The following BPI variants were observed in gnomAD, a reference collection of about 807,000 sequenced individuals.
BPI encodes bactericidal permeability increasing protein, also known as bactericidal permeability-increasing protein.
A neutral mutation model predicts 57.6 loss-of-function variants in BPI; 48 were observed. The observed-to-expected ratio is 0.83, with a 90% confidence interval of 0.66 to 1.06. The LOEUF is 1.06. Ranked by LOEUF, BPI falls within the 50% of genes least tolerant of loss-of-function variation. The pLI, the probability that BPI is intolerant of heterozygous loss-of-function variation, is 0.00. For synonymous variants in BPI, 237 were observed against 238.2 expected (o/e 0.99, Z 0.05); for missense variants, 651 against 609.7 (o/e 1.07, Z -0.71).
intron 7 of BPI, among the ~76,000 whole-genome samples, chr20:38,323,351 C>G (rs1029137643): frequency 1.3e-5 from 2 of 152,236 alleles, no homozygotes; most frequent in African/African-American, 4.8e-5. Context: ...ACAACCTTAA[C>G]AGCTTATGAG....
chr20:38,326,305 T>C lies in BPI; in HGVS notation c.1034T>C (p.Val345Ala). ...KFPNMKIQIH[V>A]SASTPPHLSV... ...CCCAACATGAAGATACAGATCCATG[T>C]CTCAGCCTCCACCCCGCCACACCTG... The change falls in exon 10 of 15, where the codon GTC (valine) becomes GCC (alanine). Residue 345 changes from valine (V) to alanine (A), a missense_variant. Val to Ala is a moderately conservative substitution (Grantham distance 64, BLOSUM62 0). Transcript: ENST00000642449. The C allele has an allele frequency of 6.2e-7, 1 of 1,613,912 alleles. No individual in the cohort carries two copies. The highest frequency in any genetic ancestry group is 8.5e-7 in the Non-Finnish European group (1 of 1,179,904).
At position 38,334,499 on chromosome 20, in the gene BPI, G is replaced by C; in HGVS notation, c.1336+6G>C. On this transcript the variant is annotated splice_donor_region_variant and intron_variant, in intron 13 of 14. Transcript: ENST00000642449. ...TGTGCTGCCCAGGGTTAACGGTAAG[G>C]AACTTTGAAGAAACCATTCATTTTC... 6.2e-7 allele frequency: 1 copy of C among 1,610,946 alleles called. No homozygotes were observed. The highest frequency in any genetic ancestry group is 8.5e-7 in the Non-Finnish European group (1 of 1,177,068).
Position 38,324,701 on chromosome 20 carries a change from G to A in BPI, c.934-73G>A, listed in dbSNP as rs113853382. 5.4e-5 allele frequency: 69 copies of A among 1,285,324 alleles called. No homozygotes were observed. In the East Asian group the frequency reaches 7.2e-4, roughly 13 times the overall value. The allele number at this position is 1,285,324 out of a possible 1,614,324, so 79.6% of individuals were successfully genotyped here. A position where few individuals can be genotyped will look rare whatever the true frequency, so the allele number is the denominator to read the frequency against. On this transcript the variant is annotated intron_variant, in intron 8 of 14. Transcript: ENST00000642449. ...GTGTGTGCAGTCAGCCTCTCACCCC[G>A]ATACAGAACTCACCCCCTCTGCTCC...
At chr20:38,326,588 A>T in intron 10 of BPI, 156 bp downstream of exon 10, 2 of 846,230 alleles carry the variant, frequency 2.4e-6, no homozygotes, top group South Asian at 2.6e-5. Flanking sequence ...AATGGTGCCG[A>T]CTCCTGGAGG....
chr20:38,318,687 C>T (rs540940840), intron 6 of BPI, among the ~76,000 whole-genome samples: 1 of 135,164 alleles, frequency 7.4e-6, no homozygotes, highest in African/African-American at 2.8e-5. Context: ...ACAGCCCATA[C>T]TACCTCATTC....
Position 38,326,417 on chromosome 20 carries a change from C to T in BPI, c.1146C>T (p.Leu382=). The T allele has an allele frequency of 6.2e-7, 1 of 1,613,708 alleles. No individual in the cohort carries two copies. The highest frequency in any genetic ancestry group is 1.3e-5 in the African/African-American group (1 of 75,058). ...TCCCCAACTCCTCCCTGGCTTCCCT[C>T]TTCCTGATTGGCATGGTAAGCAGTT... is the stretch of plus-strand genomic sequence containing the variant. ...AVLPNSSLAS[L]FLIGMHTTGS... The change falls in exon 10 of 15, where the codon CTC becomes CTT. Residue 382 remains leucine, a synonymous_variant. Transcript: ENST00000642449.
chr20:38,337,048 C>A, intron 14 of BPI, 98 bp from the exon 15 acceptor site: 1 of 1,272,886 alleles, frequency 7.9e-7, no homozygotes, highest in South Asian at 1.3e-5. Context: ...TCCTAAGAGG[C>A]AGGCTCCCAA....
At chr20:38,308,250 C>G (rs2076605996) in intron 2 of BPI, among the ~76,000 whole-genome samples, 1 of 152,216 alleles carries the variant, frequency 6.6e-6, no homozygotes, top group Admixed American at 6.5e-5. Flanking sequence ...GAGCCAATCA[C>G]TGTAGCCAGG....
chr20:38,321,521 A>T (rs1395955694), intron 7 of BPI: 1 of 151,818 alleles, frequency 6.6e-6, no homozygotes, highest in East Asian at 1.9e-4. Context: ...CTCAGCTGTC[A>T]CTCCCAGAGC....
intron 12 of BPI, among the ~76,000 whole-genome samples, chr20:38,332,296 G>T (rs974042550): frequency 6.6e-6 from 1 of 152,090 alleles, no homozygotes; most frequent in African/African-American, 2.4e-5. Flanking sequence ...TGGCTGGGGT[G>T]GGGGGATAGA....
rs1420787426 is a variant in BPI, at chr20:38,307,680, A to G, written c.244A>G (p.Ser82Gly). ...TGGGAAGGGGCATTATAGCTTCTAC[A>G]GGTGAGGCCTATCAGAGCTCAATCC... ...HLGKGHYSFY[S>G]MDIREFQLPS... Residue 82 changes from serine to glycine, a missense_variant and splice_region_variant, in exon 2 of 15, where the codon AGC (serine) becomes GGC (glycine). Ser to Gly is a moderately conservative substitution (Grantham distance 56, BLOSUM62 0). Coordinates refer to ENST00000642449, the MANE Select transcript of BPI (RefSeq NM_001725.3). 1 of 1,606,136 alleles carries G rather than the reference A, an allele frequency of 6.2e-7. No individual in the cohort carries two copies. The highest frequency in any genetic ancestry group is 8.5e-7 in the Non-Finnish European group (1 of 1,174,362).
chr20:38,318,073 C>T (rs1600704184), intron 5 of BPI: 1 of 972,810 alleles, frequency 1.0e-6, no homozygotes, highest in East Asian at 1.2e-4. Flanking sequence ...GGATCTGAGA[C>T]AGCAAAATCA....
At chr20:38,325,552 GC>G (rs2076708351) in intron 9 of BPI, among the ~76,000 whole-genome samples, 1 of 152,172 alleles carries the variant, frequency 6.6e-6, no homozygotes, top group Admixed American at 6.5e-5. Context: ...TCAGATCAGG[GC>G]CCAACTGTTA....
rs577240929 is a variant in BPI, at chr20:38,326,386, C to T, written c.1115C>T (p.Ala372Val). 6 of 1,614,104 alleles carry T rather than the reference C, an allele frequency of 3.7e-6. No individual in the cohort carries two copies. In the East Asian group the frequency reaches 1.3e-4, roughly 36 times the overall value. The change falls in exon 10 of 15, where the codon GCC (alanine) becomes GTC (valine). Residue 372 changes from alanine to valine, a missense_variant. Transcript: ENST00000642449. ...FYPAVDVQAFAVLPNSSLASL... is the reference protein window; with the variant it reads ...FYPAVDVQAFVVLPNSSLASL... ...CCTGCCGTGGATGTCCAGGCCTTTG[C>T]CGTCCTCCCCAACTCCTCCCTGGCT...
rs1431757106 is a variant in BPI, at chr20:38,304,233, G to C, written c.10G>C (p.Gly4Arg). MAR[G>R]PCNAPRWASL... is the part of the protein sequence containing the mutation. ...GAGGATGAGAGAGAACATGGCCAGG[G>C]GCCCTTGCAACGCGCCGAGATGGGC... is the stretch of plus-strand genomic sequence containing the variant. Residue 4 changes from glycine to arginine, a missense_variant, in exon 1 of 15, where the codon GGC becomes CGC. By Grantham distance (125) the Gly-to-Arg change is moderately radical. Transcript: ENST00000642449. The C allele has an allele frequency of 1.9e-6, 3 of 1,614,066 alleles. No homozygotes were observed. The highest frequency in any genetic ancestry group is 2.7e-5 in the African/African-American group (2 of 74,918).
At chr20:38,314,923 T>C (rs1007733950) in intron 5 of BPI, among the ~76,000 whole-genome samples, 2 of 151,348 alleles carry the variant, frequency 1.3e-5, no homozygotes, top group South Asian at 2.1e-4. Context: ...TGGTGGTAAG[T>C]ATACACCGAT....
At chr20:38,304,511 C>T (rs1183338522) in intron 1 of BPI, among the ~76,000 whole-genome samples, 158 bp downstream of exon 1, 2 of 152,204 alleles carry the variant, frequency 1.3e-5, no homozygotes, top group South Asian at 2.1e-4. Flanking sequence ...TGAGGCAAAG[C>T]GAGTTGCCTA....
intron 11 of BPI, among the ~76,000 whole-genome samples, chr20:38,329,435 G>A (rs6024905): frequency 0.46 from 70,283 of 152,114 alleles, 16,618 homozygotes; most frequent in Middle Eastern, 0.52. Context: ...CTGGCATCAT[G>A]TTGACAAGCA....
At position 38,318,587 on chromosome 20, in the gene BPI, G is replaced by A. The variant is rs1042695809; in HGVS notation, c.664+111G>A. On this transcript the variant is annotated intron_variant, in intron 6 of 14. Transcript: ENST00000642449. ...AGTTTCCCAGACAGCCCTGGGCCTG[G>A]GTGGGAATGAGCAGAGTAGTACATT... 6.0e-6 allele frequency: 7 copies of A among 1,174,166 alleles called. No homozygotes were observed. In the African/African-American group the frequency reaches 1.1e-4, roughly 18 times the overall value. The allele number at this position is 1,174,166 out of a possible 1,614,324, so 72.7% of individuals were successfully genotyped here. A position where few individuals can be genotyped will look rare whatever the true frequency, so the allele number is the denominator to read the frequency against.
Sources: allele counts gnomAD v4.1 joint callset (sites outside exome capture counted in the v4.1 genomes callset), GRCh38; gene constraint gnomAD v4.1.1; transcripts MANE v1.5; gene names NCBI Gene and HGNC (gene_info 2026-07-23, HGNC 2026-07-21).